The following WWOX variants were observed in gnomAD, a reference collection of about 807,000 sequenced individuals.
WWOX encodes WW domain-containing oxidoreductase.
In WWOX, 69 loss-of-function variants were observed where a neutral mutation model predicts 46.2. The observed-to-expected ratio is 1.49, with a 90% CI of 1.23 to 1.82. The LOEUF (loss-of-function observed/expected upper bound fraction) is 1.82. Among genes scored for constraint, WWOX ranks in the 40% most tolerant of loss-of-function variants. The pLI is 0.00. For synonymous variants in WWOX, 359 were observed against 202.6 expected (o/e 1.77, Z -6.56); for missense variants, 919 against 542.6 (o/e 1.69, Z -6.89).
chr16:78,962,174 C>T (rs1201464763), intron 8 of WWOX, among the ~76,000 whole-genome samples: 1 of 151,976 alleles, frequency 6.6e-6, no homozygotes, highest in Non-Finnish European at 1.5e-5. Flanking sequence ...GAAGCCTAGG[C>T]TTTAATGAGG....
chr16:78,806,629 G>A (rs1306348625), intron 8 of WWOX, among the ~76,000 whole-genome samples: 2 of 152,064 alleles, frequency 1.3e-5, no homozygotes, highest in Non-Finnish European at 2.9e-5. Flanking sequence ...ATGGCGGCTG[G>A]GTTCCAAGGG....
intron 8 of WWOX, among the ~76,000 whole-genome samples, chr16:79,011,555 G>A (rs937307332): frequency 2.6e-5 from 4 of 151,058 alleles, no homozygotes; most frequent in African/African-American, 9.7e-5. Context: ...GCAGTGACAT[G>A]GTGATGGCTC....
intron 8 of WWOX, among the ~76,000 whole-genome samples, chr16:78,823,589 A>T (rs1373143951): frequency 6.6e-6 from 1 of 152,172 alleles, no homozygotes; most frequent in Admixed American, 6.5e-5. Context: ...GCTTCATCTG[A>T]AGTTTAATGG....
intron 8 of WWOX, among the ~76,000 whole-genome samples, chr16:79,169,743 G>A (rs192515480): frequency 1.7e-3 from 254 of 152,302 alleles, no homozygotes; most frequent in African/African-American, 5.7e-3. Context: ...GATCGCCAGT[G>A]CCCAACCTTG....
chr16:78,306,982 G>A (rs2080146632), intron 5 of WWOX, among the ~76,000 whole-genome samples: 1 of 152,050 alleles, frequency 6.6e-6, no homozygotes, highest in African/African-American at 2.4e-5. Flanking sequence ...CAACCTTCTG[G>A]GTTTTTTCCT....
At position 78,425,187 on chromosome 16, in the gene WWOX, C is replaced by G. The variant is rs1270554350; in HGVS notation, c.791+132C>G. The G allele has an allele frequency of 4.0e-6, 5 of 1,238,440 alleles. No homozygotes were observed. The East Asian group carries it at 7.4e-5, about 18-fold the overall frequency. The allele number at this position is 1,238,440 out of a possible 1,614,324, so 76.7% of individuals were successfully genotyped here. On this transcript the variant is annotated intron_variant, in intron 7 of 8. Coordinates refer to ENST00000566780, the MANE Select transcript of WWOX (RefSeq NM_016373.4). ...ATGTGGGTGGACTCAGCTTGGCTCA[C>G]TTAATTTTTCCAGGTCTTTTTTGTT...
chr16:79,032,825 T>C (rs941550870), intron 8 of WWOX, among the ~76,000 whole-genome samples: 1 of 151,590 alleles, frequency 6.6e-6, no homozygotes, highest in African/African-American at 2.4e-5. Context: ...ATAGGTAAAC[T>C]GGCGTGATGG....
In WWOX at chr16:78,659,845, C is replaced by T. The variant is rs560065152; in HGVS notation, c.1056+227093C>T. On this transcript the variant is annotated intron_variant, in intron 8 of 8. Coordinates refer to ENST00000566780, the MANE Select transcript of WWOX (RefSeq NM_016373.4). ...TACTTAAACACACAGCATGACTCTCCTTACACATTTATTTCGGAAGAGCAA... is the reference window on the plus strand; with the variant it reads ...TACTTAAACACACAGCATGACTCTCTTTACACATTTATTTCGGAAGAGCAA... 2.8e-3 allele frequency among the ~76,000 whole-genome samples: 427 copies of T among 152,246 alleles called. 1 individual carries two copies. Among genetic ancestry groups the T allele is most frequent in the African/African-American group, 0.01 (418 of 41,528 alleles).
At chr16:78,187,962 T>C (rs1315634850) in intron 5 of WWOX, among the ~76,000 whole-genome samples, 1 of 152,220 alleles carries the variant, frequency 6.6e-6, no homozygotes, top group African/African-American at 2.4e-5. Context: ...TTAGGTATTA[T>C]GGATGCATTC....
chr16:78,276,846 A>T (rs375615831), intron 5 of WWOX, among the ~76,000 whole-genome samples: 11 of 152,008 alleles, frequency 7.2e-5, no homozygotes, highest in Non-Finnish European at 1.6e-4. Context: ...CCTTGTCCCC[A>T]TTTTTCTTTG....
At chr16:78,741,939 G>T (rs894397708) in intron 8 of WWOX, among the ~76,000 whole-genome samples, 1 of 152,118 alleles carries the variant, frequency 6.6e-6, no homozygotes, top group African/African-American at 2.4e-5. Context: ...TTTAGCAAAA[G>T]GATGTTCCAC....
At chr16:78,654,067 C>T (rs775635675) in intron 8 of WWOX, among the ~76,000 whole-genome samples, 2 of 152,226 alleles carry the variant, frequency 1.3e-5, no homozygotes, top group Non-Finnish European at 2.9e-5. Context: ...CATATTGCTA[C>T]TTAAAGCAAA....
chr16:78,914,455 A>C (rs2045194109), intron 8 of WWOX, among the ~76,000 whole-genome samples: 2 of 152,076 alleles, frequency 1.3e-5, no homozygotes, highest in Non-Finnish European at 2.9e-5. Context: ...AAACAGTTCC[A>C]GATTCATGAA....
chr16:79,014,212 C>T (rs552266440), intron 8 of WWOX, among the ~76,000 whole-genome samples: 15 of 152,212 alleles, frequency 9.9e-5, no homozygotes, highest in African/African-American at 3.4e-4. Flanking sequence ...AACATCTTCC[C>T]GAGATGGTGG....
chr16:78,351,371 G>C (rs1431995435), intron 5 of WWOX, among the ~76,000 whole-genome samples: 8 of 152,162 alleles, frequency 5.3e-5, no homozygotes. Context: ...AGTTGTGTCA[G>C]GTAGAAAACT....
At chr16:78,686,211 A>G (rs73569210) in intron 8 of WWOX, among the ~76,000 whole-genome samples, 4,549 of 152,194 alleles carry the variant, frequency 0.03, 90 homozygotes, top group East Asian at 0.089. Context: ...CACCAGCATC[A>G]CTCAGAAATC....
chr16:78,976,407 C>G (rs74032472), intron 8 of WWOX, among the ~76,000 whole-genome samples: 1 of 152,184 alleles, frequency 6.6e-6, no homozygotes, highest in African/African-American at 2.4e-5. Context: ...GTCTCAGATT[C>G]GGAGCATGTG....
chr16:78,102,461 G>T (rs1484961796), intron 1 of WWOX, among the ~76,000 whole-genome samples: 7 of 152,232 alleles, frequency 4.6e-5, no homozygotes, highest in African/African-American at 1.7e-4. Flanking sequence ...AATTCTGGAA[G>T]AATTTCTGGC....
chr16:79,026,310 C>T (rs1311488980), intron 8 of WWOX, among the ~76,000 whole-genome samples: 1 of 151,702 alleles, frequency 6.6e-6, no homozygotes, highest in African/African-American at 2.4e-5. Flanking sequence ...TTTGCACATC[C>T]TCTGCCGGGG....
Sources: allele counts gnomAD v4.1 joint callset (sites outside exome capture counted in the v4.1 genomes callset), GRCh38; gene constraint gnomAD v4.1.1; transcripts MANE v1.5; gene names NCBI Gene and HGNC (gene_info 2026-07-23, HGNC 2026-07-21).